Variants in GMDS observed in about 807,000 individuals in gnomAD.
GMDS encodes GDP-mannose 4,6-dehydratase.
A neutral mutation model predicts 49.9 loss-of-function variants in GMDS; 20 were observed. The observed-to-expected ratio is 0.40, with a 90% CI of 0.28 to 0.58. The LOEUF (loss-of-function observed/expected upper bound fraction) is 0.58, where lower values mean the gene tolerates loss of function less well. GMDS is among the 20% of genes least tolerant of loss of function. The pLI, the probability that GMDS is intolerant of heterozygous loss-of-function variation, is 0.42. For missense variants in GMDS, 362 were observed against 481.4 expected, an observed-to-expected ratio of 0.75 and a Z score of 2.32; for synonymous variants, 177 against 178.6, an observed-to-expected ratio of 0.99 and a Z score of 0.07.
chr6:1,985,931 T>C lies in GMDS; in HGVS notation c.346-24965A>G, dbSNP rs1245506902. Among the ~76,000 whole-genome samples, 3 of 152,330 alleles carry C rather than the reference T, an allele frequency of 2.0e-5. No individual in the cohort carries two copies. In the East Asian group the frequency reaches 5.8e-4, roughly 29 times the overall value. On this transcript the variant is annotated intron_variant, in intron 4 of 10. Transcript: ENST00000380815. ...GAATTTGCCCCTGGCACTAGTGGTA[T>C]TTGGGAAATGGTTCATTTCCATAAT...
rs79804761 is a variant in GMDS at position 1,693,370 on chromosome 6, C to T, written c.987+33046G>A. Among the ~76,000 whole-genome samples, 10 of 152,358 alleles carry T rather than the reference C, an allele frequency of 6.6e-5. No homozygotes were observed. The East Asian group carries it at 1.7e-3, about 26-fold the overall frequency. ...CTCACCTCTGCCCTGCGTTCTCTTA[C>T]CAGTCCGGCTGCCCTGAACTCTGTC... On this transcript the variant is annotated intron_variant, in intron 9 of 10. Transcript: ENST00000380815.
At chr6:2,129,507 A>G (rs1426256793) in intron 1 of GMDS, among the ~76,000 whole-genome samples, 1 of 152,232 alleles carries the variant, frequency 6.6e-6, no homozygotes, top group East Asian at 1.9e-4. Context: ...GGATACGGTC[A>G]TGGTACTGGG....
chr6:1,979,146 T>A (rs192626686), intron 4 of GMDS, among the ~76,000 whole-genome samples: 4 of 152,318 alleles, frequency 2.6e-5, no homozygotes, highest in Admixed American at 2.6e-4. Context: ...CCCCTTTTCC[T>A]CCAAATGACT....
At chr6:1,630,050 A>G (rs2113149113) in intron 9 of GMDS, among the ~76,000 whole-genome samples, 1 of 152,352 alleles carries the variant, frequency 6.6e-6, no homozygotes, top group East Asian at 1.9e-4. Context: ...AGTGCAACCT[A>G]CATATAAATG....
chr6:1,707,094 T>G (rs1765766247), intron 9 of GMDS, among the ~76,000 whole-genome samples: 1 of 152,200 alleles, frequency 6.6e-6, no homozygotes, highest in Admixed American at 6.5e-5. Context: ...CAGAGTAGTA[T>G]TTTAGCAGTT....
chr6:1,796,697 C>G (rs1198491519), intron 7 of GMDS, among the ~76,000 whole-genome samples: 2 of 152,142 alleles, frequency 1.3e-5, no homozygotes, highest in Non-Finnish European at 2.9e-5. Flanking sequence ...TTAAAAATAA[C>G]AATCATAAAA....
intron 7 of GMDS, among the ~76,000 whole-genome samples, chr6:1,877,976 G>C (rs904903289): frequency 3.9e-5 from 6 of 152,128 alleles, no homozygotes; most frequent in Admixed American, 6.6e-5. Context: ...TACATCCTTG[G>C]TATGAGGAGA....
Position 1,624,548 on chromosome 6 carries a change from A to G in GMDS, c.988-8T>C. On this transcript the variant is annotated splice_region_variant and splice_polypyrimidine_tract_variant and intron_variant, in intron 9 of 10. Coordinates refer to ENST00000380815, the MANE Select transcript of GMDS (RefSeq NM_001500.4). Reference sequence around the variant, plus strand: ...GTCGCCCTGCAGAAAGTCCTAGGGAAGAAGAGGGGGAGACGAAGCAGGCGT... The same window carrying G: ...GTCGCCCTGCAGAAAGTCCTAGGGAGGAAGAGGGGGAGACGAAGCAGGCGT... The G allele has an allele frequency of 6.2e-7, 1 of 1,609,784 alleles. No homozygotes were observed. Among genetic ancestry groups the G allele is most frequent in the Non-Finnish European group, 8.5e-7 (1 of 1,176,368 alleles).
chr6:1,674,786 G>A (rs1764561983), intron 9 of GMDS, among the ~76,000 whole-genome samples: 1 of 151,348 alleles, frequency 6.6e-6, no homozygotes, highest in East Asian at 1.9e-4. Flanking sequence ...CTGGGCTCAA[G>A]CAATCTGCCT....
At chr6:2,057,920 A>G (rs1009035377) in intron 4 of GMDS, among the ~76,000 whole-genome samples, 1 of 152,186 alleles carries the variant, frequency 6.6e-6, no homozygotes, top group African/African-American at 2.4e-5. Context: ...TAAAATATAA[A>G]TCAAAATAGT....
intron 7 of GMDS, among the ~76,000 whole-genome samples, chr6:1,919,847 C>T (rs900336704): frequency 2.0e-4 from 31 of 152,134 alleles, no homozygotes; most frequent in South Asian, 1.0e-3. Flanking sequence ...CAGGTCTTAC[C>T]GTTGATGCCC....
chr6:1,935,431 G>GT (rs1164940823), intron 6 of GMDS, among the ~76,000 whole-genome samples: 1 of 152,166 alleles, frequency 6.6e-6, no homozygotes, highest in African/African-American at 2.4e-5. Context: ...TAAGTACTCA[G>GT]TAACTGTTAG....
intron 9 of GMDS, among the ~76,000 whole-genome samples, chr6:1,716,975 G>A (rs559233365): frequency 4.6e-5 from 7 of 152,286 alleles, no homozygotes; most frequent in South Asian, 2.1e-4. Flanking sequence ...ATGCACCAGC[G>A]TCTTCCATTT....
intron 6 of GMDS, among the ~76,000 whole-genome samples, chr6:1,953,242 C>T (rs917337643): frequency 2.6e-5 from 4 of 152,034 alleles, no homozygotes; most frequent in Admixed American, 1.3e-4. Context: ...TCACAGAAAC[C>T]GAGGCTGCTG....
chr6:1,719,621 T>TAA (rs1334642107), intron 9 of GMDS, among the ~76,000 whole-genome samples: 10 of 53,078 alleles, frequency 1.9e-4, no homozygotes, highest in African/African-American at 8.4e-4. Flanking sequence ...GCTGATTTGT[T>TAA]TAAAAAAAAA....
intron 1 of GMDS, among the ~76,000 whole-genome samples, chr6:2,176,409 CAT>C (rs1778287390): frequency 6.6e-6 from 1 of 152,094 alleles, no homozygotes; most frequent in African/African-American, 2.4e-5. Flanking sequence ...AGTTGTTTCA[CAT>C]GTTTGTGAAG....
chr6:2,141,265 T>G (rs1258328133), intron 1 of GMDS, among the ~76,000 whole-genome samples: 1 of 152,118 alleles, frequency 6.6e-6, no homozygotes, highest in Non-Finnish European at 1.5e-5. Context: ...TGGAGACAAG[T>G]TATCAGGCTG....
chr6:1,887,101 A>T (rs1759645693), intron 7 of GMDS, among the ~76,000 whole-genome samples: 1 of 152,232 alleles, frequency 6.6e-6, no homozygotes, highest in Non-Finnish European at 1.5e-5. Flanking sequence ...CTTGGATTCA[A>T]ACCCATGAAA....
At chr6:1,937,161 C>T (rs1262497690) in intron 6 of GMDS, among the ~76,000 whole-genome samples, 2 of 152,062 alleles carry the variant, frequency 1.3e-5, no homozygotes, top group African/African-American at 4.8e-5. Context: ...GAAGATATAC[C>T]ATCCAGGCTT....
Sources: gnomAD v4.1 joint callset for allele counts (sites outside exome capture counted in the v4.1 genomes callset) on GRCh38, gnomAD v4.1.1 for gene constraint, MANE v1.5 for transcripts, NCBI Gene and HGNC (gene_info 2026-07-23, HGNC 2026-07-21) for gene names.